ST18: variants seen among roughly 807,000 people sequenced by gnomAD.
ST18 encodes suppression of tumorigenicity 18 protein.
Under a neutral mutation model 110.0 loss-of-function variants are expected in ST18, and 50 were observed. That is an observed-to-expected ratio of 0.45 (90% CI 0.36 to 0.58). The LOEUF (loss-of-function observed/expected upper bound fraction) is 0.58. Ranked by LOEUF, ST18 falls within the 20% of genes least tolerant of loss-of-function variation. The pLI is 0.00. For synonymous variants in ST18, 461 were observed against 452.4 expected, an observed-to-expected ratio of 1.02 and a Z score of -0.24; for missense variants, 1,306 against 1,280.1, an observed-to-expected ratio of 1.02 and a Z score of -0.31.
chr8:52,357,654 T>C (rs2140393723), intron 2 of ST18, among the ~76,000 whole-genome samples: 1 of 122,338 alleles, frequency 8.2e-6, no homozygotes, highest in African/African-American at 2.8e-5. Context: ...TATTTACACA[T>C]AACAAATCCC....
At chr8:52,379,466 A>G (rs1833705703) in intron 2 of ST18, among the ~76,000 whole-genome samples, 1 of 152,154 alleles carries the variant, frequency 6.6e-6, no homozygotes, top group Non-Finnish European at 1.5e-5. Context: ...CGTGAAGTAC[A>G]GTTGACCTTT....
chr8:52,203,400 T>A (rs2078712765), intron 8 of ST18, among the ~76,000 whole-genome samples: 1 of 152,134 alleles, frequency 6.6e-6, no homozygotes, highest in Non-Finnish European at 1.5e-5. Flanking sequence ...CCATAGAATT[T>A]GACAAACCAG....
At chr8:52,386,924 C>T (rs1173134794) in intron 2 of ST18, among the ~76,000 whole-genome samples, 1 of 152,206 alleles carries the variant, frequency 6.6e-6, no homozygotes. Flanking sequence ...AATAATCCAA[C>T]TAGTATAATT....
At chr8:52,289,316 C>T (rs1471488311) in intron 2 of ST18, among the ~76,000 whole-genome samples, 1 of 152,066 alleles carries the variant, frequency 6.6e-6, no homozygotes, top group Non-Finnish European at 1.5e-5. Flanking sequence ...AAATATTAGT[C>T]AGGGGTGGTG....
intron 19 of ST18, 48 bp from the exon 20 acceptor site, chr8:52,133,349 G>T (rs1290157650): frequency 6.2e-7 from 1 of 1,606,812 alleles, no homozygotes; most frequent in East Asian, 2.2e-5. Context: ...GTAGTTGGGG[G>T]AGTGGGGGTC....
At position 52,155,783 on chromosome 8, in the gene ST18, C is replaced by T. The variant is rs552401146; in HGVS notation, c.1806+3115G>A. 5.3e-5 allele frequency among the ~76,000 whole-genome samples: 8 copies of T among 152,268 alleles called. No individual in the cohort carries two copies. The South Asian group carries it at 1.7e-3, about 32-fold the overall frequency. On this transcript the variant is annotated intron_variant, in intron 15 of 25. Coordinates refer to ENST00000689386, the MANE Select transcript of ST18 (RefSeq NM_001352837.2). ...TTTGCAATTTTACAAAGCACCAATT[C>T]AGATTGCCCATTAAGCTTGGAGTCT...
intron 8 of ST18, among the ~76,000 whole-genome samples, chr8:52,180,967 CA>C (rs2069244444): frequency 6.6e-6 from 1 of 152,158 alleles, no homozygotes. Context: ...TTGGATTTCA[CA>C]AAAATGGACA....
At chr8:52,348,993 C>T (rs1400152882) in intron 2 of ST18, among the ~76,000 whole-genome samples, 2 of 152,064 alleles carry the variant, frequency 1.3e-5, no homozygotes, top group African/African-American at 4.8e-5. Flanking sequence ...ACCAACATCT[C>T]CCCCATGCCC....
At chr8:52,134,600 AT>A (rs10706000) in intron 19 of ST18, among the ~76,000 whole-genome samples, 47,529 of 151,866 alleles carry the variant, frequency 0.31, 11,093 homozygotes, top group African/African-American at 0.67. Flanking sequence ...TAGGGAACAA[AT>A]TGCCTTTTTT....
intron 2 of ST18, among the ~76,000 whole-genome samples, chr8:52,364,385 A>G (rs1047675503): frequency 1.3e-5 from 2 of 152,140 alleles, no homozygotes; most frequent in Non-Finnish European, 2.9e-5. Flanking sequence ...GAGGTTCATG[A>G]TGTCTTTCTC....
intron 9 of ST18, among the ~76,000 whole-genome samples, chr8:52,173,821 G>A (rs527710097): frequency 1.3e-5 from 2 of 152,334 alleles, no homozygotes; most frequent in East Asian, 1.9e-4. Context: ...ATCTTTGGAG[G>A]GAAGAAAAGC....
intron 16 of ST18, among the ~76,000 whole-genome samples, chr8:52,148,256 T>A (rs992152081): frequency 3.9e-5 from 6 of 151,926 alleles, no homozygotes; most frequent in Non-Finnish European, 7.3e-5. Flanking sequence ...ATTAAGGCCA[T>A]CCTTGGACGC....
intron 17 of ST18, among the ~76,000 whole-genome samples, chr8:52,140,011 A>G (rs2054276691): frequency 6.6e-6 from 1 of 152,238 alleles, no homozygotes; most frequent in South Asian, 2.1e-4. Flanking sequence ...TTTCTCAGTA[A>G]GTGGCACTGA....
intron 2 of ST18, among the ~76,000 whole-genome samples, chr8:52,273,064 A>G (rs1449558844): frequency 6.6e-6 from 1 of 152,228 alleles, no homozygotes; most frequent in South Asian, 2.1e-4. Context: ...AGTGTTTTCA[A>G]CACAACAATT....
intron 8 of ST18, among the ~76,000 whole-genome samples, chr8:52,194,136 T>C (rs948950637): frequency 3.9e-5 from 6 of 152,214 alleles, no homozygotes; most frequent in African/African-American, 1.4e-4. Context: ...GCATATCGTC[T>C]ACCACAGAAT....
chr8:52,148,941 A>G lies in ST18; in HGVS notation c.2052+791T>C, dbSNP rs554672390. Among the ~76,000 whole-genome samples, 3 of 152,346 alleles carry G rather than the reference A, an allele frequency of 2.0e-5. No individual in the cohort carries two copies. In the East Asian group the frequency reaches 5.8e-4, roughly 29 times the overall value. On this transcript the variant is annotated intron_variant, in intron 16 of 25. Coordinates refer to ENST00000689386, the MANE Select transcript of ST18 (RefSeq NM_001352837.2). ...TTTACACATATCAACTGGCAAGCCC[A>G]TCAACAACTTCCCTGACAAAGAGCA...
chr8:52,249,981 AC>A (rs2094160078), intron 2 of ST18, among the ~76,000 whole-genome samples: 1 of 151,044 alleles, frequency 6.6e-6, no homozygotes, highest in Non-Finnish European at 1.5e-5. Context: ...CCCCAGCCCT[AC>A]CCCCTACCCA....
chr8:52,353,612 T>G (rs1241266270), intron 2 of ST18, among the ~76,000 whole-genome samples: 1 of 152,204 alleles, frequency 6.6e-6, no homozygotes, highest in African/African-American at 2.4e-5. Flanking sequence ...GAATGTATTA[T>G]TATGAAAATA....
Position 52,131,942 on chromosome 8 carries a change from A to T in ST18, c.2666+16T>A, listed in dbSNP as rs771074651. The T allele has an allele frequency of 6.2e-7, 1 of 1,613,058 alleles. No homozygotes were observed. The highest frequency in any genetic ancestry group is 8.5e-7 in the Non-Finnish European group (1 of 1,179,428). ...GATCACAACACTACAACAAAAAGAC[A>T]GAAAACTCATGTTACCTTCGGTGGG... On this transcript the variant is annotated intron_variant, in intron 22 of 25. Transcript: ENST00000689386.
Sources: allele counts gnomAD v4.1 joint callset (sites outside exome capture counted in the v4.1 genomes callset), GRCh38; gene constraint gnomAD v4.1.1; transcripts MANE v1.5; gene names NCBI Gene and HGNC (gene_info 2026-07-23, HGNC 2026-07-21).